Variants in STK32B observed in about 807,000 individuals in gnomAD.
STK32B encodes serine/threonine kinase 32B.
In STK32B, 43 loss-of-function variants were observed where a neutral mutation model predicts 52.6. That is an observed-to-expected ratio of 0.82 (90% CI 0.64 to 1.05). The LOEUF is 1.05. Among genes scored for constraint, STK32B ranks in the 50% least tolerant of loss-of-function variants. The probability of loss-of-function intolerance (pLI) is 0.00; values close to 1 mark genes in which losing one functional copy is unlikely to be tolerated. For missense variants in STK32B, 621 were observed against 534.6 expected (o/e 1.16, Z -1.59); for synonymous variants, 238 against 204.3 (o/e 1.17, Z -1.41).
At chr4:5,207,042 A>G (rs1340897785) in intron 3 of STK32B, among the ~76,000 whole-genome samples, 2 of 152,164 alleles carry the variant, frequency 1.3e-5, no homozygotes, top group African/African-American at 2.4e-5. Flanking sequence ...CTGGAGTGCC[A>G]TACATTTTAG....
At chr4:5,490,704 C>G (rs1719649621) in intron 11 of STK32B, among the ~76,000 whole-genome samples, 1 of 152,048 alleles carries the variant, frequency 6.6e-6, no homozygotes, top group Non-Finnish European at 1.5e-5. Flanking sequence ...AGGTATATCT[C>G]CTAAAGCTAT....
At chr4:5,118,921 A>G (rs890703725) in intron 1 of STK32B, among the ~76,000 whole-genome samples, 2 of 152,206 alleles carry the variant, frequency 1.3e-5, no homozygotes, top group Non-Finnish European at 2.9e-5. Flanking sequence ...CCTCAGCACC[A>G]TAGACGAGTG....
In STK32B at chr4:5,373,337, T is replaced by G. The variant is rs572477973; in HGVS notation, c.435-24870T>G. Among the ~76,000 whole-genome samples, 259 of 152,300 alleles carry G rather than the reference T, an allele frequency of 1.7e-3. 1 individual carries two copies. The highest frequency in any genetic ancestry group is 5.1e-3 in the African/African-American group (213 of 41,556). On this transcript the variant is annotated intron_variant, in intron 4 of 11. Coordinates refer to ENST00000282908, the MANE Select transcript of STK32B (RefSeq NM_018401.3). ...GCCAGCAGGTTCAACACCCATGTGA[T>G]CCAATGGTGTAGTTTCTGCCTGAAA...
intron 3 of STK32B, among the ~76,000 whole-genome samples, chr4:5,307,655 G>T (rs952732771): frequency 6.7e-6 from 1 of 149,852 alleles, no homozygotes; most frequent in African/African-American, 2.5e-5. Flanking sequence ...TGGATCTATT[G>T]CTGGTTAGCT....
chr4:5,236,457 A>G (rs1229642222), intron 3 of STK32B, among the ~76,000 whole-genome samples: 1 of 152,250 alleles, frequency 6.6e-6, no homozygotes, highest in Non-Finnish European at 1.5e-5. Flanking sequence ...AACAAGAATC[A>G]GAACATATTG....
At chr4:5,263,297 C>CT (rs1726849567) in intron 3 of STK32B, among the ~76,000 whole-genome samples, 1 of 152,152 alleles carries the variant, frequency 6.6e-6, no homozygotes, top group East Asian at 1.9e-4. Flanking sequence ...CCGGGTGTGT[C>CT]TGAGGCTTGA....
rs1275972449 is a variant in STK32B, at chr4:5,317,537, A to ATG, written c.261-13681_261-13680dup. ...AATATATTTATTATATATATATTAC[A>ATG]TGTATATATATATATATATATAACT... On this transcript the variant is annotated intron_variant, in intron 3 of 11. Coordinates refer to ENST00000282908, the MANE Select transcript of STK32B (RefSeq NM_018401.3). Among the ~76,000 whole-genome samples the ATG allele has an allele frequency of 7.0e-3, 665 of 95,668 alleles. 30 individuals are homozygous for ATG. Among genetic ancestry groups the ATG allele is most frequent in the Admixed American group, 0.056 (456 of 8,148 alleles). 62.8% of individuals were successfully genotyped at this position (95,668 alleles called of 152,430 possible).
chr4:5,228,855 T>G (rs1396399045), intron 3 of STK32B, among the ~76,000 whole-genome samples: 1 of 152,102 alleles, frequency 6.6e-6, no homozygotes, highest in East Asian at 1.9e-4. Flanking sequence ...TAATCCCAGC[T>G]ACTCGGAAGC....
At chr4:5,304,430 T>C (rs1729781816) in intron 3 of STK32B, among the ~76,000 whole-genome samples, 1 of 151,710 alleles carries the variant, frequency 6.6e-6, no homozygotes, top group Non-Finnish European at 1.5e-5. Context: ...ATGGTTTTTT[T>C]TTTTTTTGCA....
chr4:5,436,601 A>G (rs3774836), intron 6 of STK32B: 89,321 of 985,238 alleles, frequency 0.091, 5,075 homozygotes, highest in East Asian at 0.39. Context: ...CTAGGGGACT[A>G]GAAGGGAAAA....
chr4:5,393,115 A>T (rs1736684145), intron 4 of STK32B, among the ~76,000 whole-genome samples: 1 of 152,190 alleles, frequency 6.6e-6, no homozygotes, highest in Non-Finnish European at 1.5e-5. Context: ...AGTCCCATTC[A>T]AGTTGGCTAA....
intron 3 of STK32B, among the ~76,000 whole-genome samples, chr4:5,201,371 C>T (rs970375722): frequency 7.2e-5 from 11 of 152,152 alleles, no homozygotes; most frequent in South Asian, 4.1e-4. Context: ...CGGACAGGTT[C>T]GCGCAGGACT....
intron 11 of STK32B, among the ~76,000 whole-genome samples, chr4:5,477,925 C>G (rs992109099): frequency 1.3e-5 from 2 of 152,134 alleles, no homozygotes; most frequent in African/African-American, 4.8e-5. Context: ...TGCCCCCACC[C>G]ACACCAAGAA....
At chr4:5,310,859 A>T (rs1056820198) in intron 3 of STK32B, among the ~76,000 whole-genome samples, 2 of 152,232 alleles carry the variant, frequency 1.3e-5, no homozygotes, top group Non-Finnish European at 2.9e-5. Flanking sequence ...CTATTTAGCC[A>T]TAAAAAATGA....
rs1347566952 is a variant in STK32B at position 5,467,529 on chromosome 4, C to T, written c.1042-477C>T. 6.6e-6 allele frequency among the ~76,000 whole-genome samples: 1 copy of T among 152,162 alleles called. No homozygotes were observed. On this transcript the variant is annotated intron_variant, in intron 10 of 11. Coordinates refer to ENST00000282908, the MANE Select transcript of STK32B (RefSeq NM_018401.3). This position sits in a 1 kb window ranked among gnomAD's most constrained non-coding sequence, Gnocchi z 5.8. ...CTAATTCACTGTGACTTCATCTTAACTGGATTACATCTGTAAAGGTTCTAT... is the reference window on the plus strand; with the variant it reads ...CTAATTCACTGTGACTTCATCTTAATTGGATTACATCTGTAAAGGTTCTAT...
intron 2 of STK32B, among the ~76,000 whole-genome samples, chr4:5,155,529 C>A (rs1261841608): frequency 6.6e-6 from 1 of 152,104 alleles, no homozygotes; most frequent in Non-Finnish European, 1.5e-5. Flanking sequence ...ATTAGGCATA[C>A]CCACCGATAT....
chr4:5,092,390 A>T (rs1001731425), intron 1 of STK32B, among the ~76,000 whole-genome samples: 1 of 152,108 alleles, frequency 6.6e-6, no homozygotes, highest in Non-Finnish European at 1.5e-5. Flanking sequence ...GAACTAGCCC[A>T]GCGTTGTGGT....
intron 3 of STK32B, among the ~76,000 whole-genome samples, chr4:5,183,344 G>A (rs1032617995): frequency 2.0e-4 from 31 of 152,202 alleles, no homozygotes; most frequent in African/African-American, 7.0e-4. Flanking sequence ...GGGCGTGGTC[G>A]TGCATGCCTG....
chr4:5,020,058 G>C, the STK32B span, among the ~76,000 whole-genome samples: 8 of 152,182 alleles, frequency 5.3e-5, no homozygotes, highest in Non-Finnish European at 1.0e-4. Flanking sequence ...TCTCGGTCCG[G>C]AGGATGGGCT....
Sources: gnomAD v4.1 joint callset for allele counts (sites outside exome capture counted in the v4.1 genomes callset) on GRCh38, gnomAD v4.1.1 for gene constraint, Gnocchi (gnomAD v3.1) non-coding constraint, MANE v1.5 for transcripts, NCBI Gene and HGNC (gene_info 2026-07-23, HGNC 2026-07-21) for gene names.